ADK: variants seen among roughly 807,000 people sequenced by gnomAD.
The protein encoded by ADK is N6,N6-dimethyladenosine kinase.
Under a neutral mutation model 44.7 loss-of-function variants are expected in ADK, and 24 were observed. The ratio of observed to expected loss-of-function variants is 0.54; its 90% CI spans 0.39 to 0.76. The LOEUF is 0.76. Among genes scored for constraint, ADK ranks in the 30% least tolerant of loss-of-function variants. The probability of loss-of-function intolerance (pLI) is 0.00; values close to 1 mark genes in which losing one functional copy is unlikely to be tolerated. For synonymous variants in ADK, 128 were observed against 142.6 expected, an observed-to-expected ratio of 0.90 and a Z score of 0.73; for missense variants, 321 against 425.1, an observed-to-expected ratio of 0.76 and a Z score of 2.15.
rs182999459 is a variant in ADK at position 74,232,833 on chromosome 10, T to A, written c.194+8242T>A. On this transcript the variant is annotated intron_variant, in intron 3 of 10. Transcript: ENST00000539909. ...TAGAGGCAGGGTTTCACTGTGTTGG[T>A]GAGGCTAGTCTCGAACTCCTGACCT... 4.5e-3 allele frequency among the ~76,000 whole-genome samples: 689 copies of A among 152,202 alleles called. 6 individuals carry two copies. Among genetic ancestry groups the A allele is most frequent in the African/African-American group, 0.015 (630 of 41,560 alleles).
intron 3 of ADK, among the ~76,000 whole-genome samples, chr10:74,305,720 T>A (rs1564644557): frequency 1.3e-5 from 2 of 152,102 alleles, no homozygotes; most frequent in African/African-American, 4.8e-5. Context: ...TTTTTTTCTT[T>A]CTTTCCTTTC....
chr10:74,326,914 T>G (rs1374666918), intron 4 of ADK, among the ~76,000 whole-genome samples: 3 of 152,018 alleles, frequency 2.0e-5, no homozygotes, highest in Non-Finnish European at 4.4e-5. Context: ...CACTTTATTA[T>G]TTGTGTCTTC....
intron 1 of ADK, among the ~76,000 whole-genome samples, chr10:74,185,676 C>CA (rs539050161): frequency 0.021 from 2,986 of 143,740 alleles, 104 homozygotes; most frequent in African/African-American, 0.07. Context: ...ACTAAAAATA[C>CA]AAAAAAAAAA....
intron 6 of ADK, among the ~76,000 whole-genome samples, chr10:74,450,807 T>C (rs1413145055): frequency 1.3e-5 from 2 of 152,152 alleles, no homozygotes; most frequent in Non-Finnish European, 2.9e-5. Context: ...TTTATCCTAC[T>C]GAGTACAAAT....
chr10:74,205,052 A>AAAT (rs1843540069), intron 2 of ADK, among the ~76,000 whole-genome samples: 1 of 150,484 alleles, frequency 6.6e-6, no homozygotes, highest in African/African-American at 2.4e-5. Context: ...AAAAAAAAAA[A>AAAT]AAAAAAAAAA....
At chr10:74,520,280 T>C (rs772387270) in intron 6 of ADK, among the ~76,000 whole-genome samples, 22 of 151,676 alleles carry the variant, frequency 1.5e-4, no homozygotes, top group Non-Finnish European at 2.8e-4. Flanking sequence ...TTCCCTATTA[T>C]ATTCTGATCA....
At chr10:74,345,052 A>G (rs1441071047) in intron 4 of ADK, among the ~76,000 whole-genome samples, 1 of 152,226 alleles carries the variant, frequency 6.6e-6, no homozygotes, top group Non-Finnish European at 1.5e-5. Context: ...TTAAACGTTC[A>G]TTAGAATTCA....
At chr10:74,191,568 A>G (rs1432891760) in intron 1 of ADK, among the ~76,000 whole-genome samples, 1 of 152,130 alleles carries the variant, frequency 6.6e-6, no homozygotes, top group Non-Finnish European at 1.5e-5. Context: ...TTTTTAATAT[A>G]TCTGTTTTTA....
At chr10:74,668,370 A>G (rs1263572420) in intron 9 of ADK, among the ~76,000 whole-genome samples, 4 of 152,194 alleles carry the variant, frequency 2.6e-5, no homozygotes, top group Non-Finnish European at 5.9e-5. Flanking sequence ...TATTTGTGCC[A>G]TAACTTTCAA....
At chr10:74,224,399 C>A in intron 2 of ADK, 139 bp from the exon 3 acceptor site, 1 of 706,784 alleles carries the variant, frequency 1.4e-6, no homozygotes. Flanking sequence ...AAAAAACCGT[C>A]TACTTGGGCA....
intron 8 of ADK, among the ~76,000 whole-genome samples, chr10:74,591,856 A>G (rs1180387522): frequency 6.6e-6 from 1 of 152,102 alleles, no homozygotes; most frequent in Non-Finnish European, 1.5e-5. Flanking sequence ...ATTTTCTCCT[A>G]TAAATCCCAA....
At chr10:74,217,904 A>C (rs1437446273) in intron 2 of ADK, among the ~76,000 whole-genome samples, 1 of 152,112 alleles carries the variant, frequency 6.6e-6, no homozygotes, top group Non-Finnish European at 1.5e-5. Context: ...AAAGTAGATA[A>C]AACCACAAAG....
chr10:74,589,323 T>G lies in ADK; in HGVS notation c.762+6T>G. On this transcript the variant is annotated splice_donor_region_variant and intron_variant, in intron 8 of 10. Transcript: ENST00000539909. ...CTAGAGAGCAAGGCTTTGAGGTGAG[T>G]TAACCCACAATTGCACACTAAACAG... 1 of 1,613,652 alleles carries G rather than the reference T, an allele frequency of 6.2e-7. No individual in the cohort carries two copies. The highest frequency in any genetic ancestry group is 1.1e-5 in the South Asian group (1 of 91,066).
chr10:74,289,534 T>C (rs1302218551), intron 3 of ADK, among the ~76,000 whole-genome samples: 1 of 152,176 alleles, frequency 6.6e-6, no homozygotes, highest in Non-Finnish European at 1.5e-5. Context: ...GTAGCATGTT[T>C]CTTTCTGATT....
At chr10:74,612,505 T>A (rs1302526188) in intron 9 of ADK, among the ~76,000 whole-genome samples, 2 of 152,156 alleles carry the variant, frequency 1.3e-5, no homozygotes, top group Non-Finnish European at 1.5e-5. Flanking sequence ...TTAATTTGTT[T>A]AGGTTCCTTA....
intron 9 of ADK, among the ~76,000 whole-genome samples, chr10:74,631,145 G>A (rs1430123097): frequency 6.6e-6 from 1 of 151,950 alleles, no homozygotes; most frequent in Admixed American, 6.6e-5. Context: ...CATGAAATAG[G>A]AATTTCTCCA....
rs144669439 is a variant in ADK, at chr10:74,159,496, T to C, written c.65+8153T>C. Among the ~76,000 whole-genome samples, 13 of 152,342 alleles carry C rather than the reference T, an allele frequency of 8.5e-5. No individual in the cohort carries two copies. The East Asian group carries it at 2.5e-3, about 29-fold the overall frequency. ...TATATTGAAGTGGTCACTTGGCTAC[T>C]TGCCTTCTACATGCTTAGGCTAGAC... On this transcript the variant is annotated intron_variant, in intron 1 of 10. Transcript: ENST00000539909.
intron 3 of ADK, among the ~76,000 whole-genome samples, chr10:74,254,529 C>CT (rs1179163729): frequency 6.6e-5 from 10 of 151,072 alleles, no homozygotes; most frequent in African/African-American, 1.2e-4. Flanking sequence ...TGTCAGATTG[C>CT]TTTTGATTAA....
chr10:74,195,707 C>CTTTTTTTTTTTTTTTTT (rs71475265), intron 1 of ADK, among the ~76,000 whole-genome samples: 42 of 97,530 alleles, frequency 4.3e-4, no homozygotes, highest in Non-Finnish European at 6.2e-4. Context: ...TCTTTTCTTT[C>CTTTTTTTTTTTTTTTTT]TTTTTTTTTT....
Sources: gnomAD v4.1 joint callset for allele counts (sites outside exome capture counted in the v4.1 genomes callset) on GRCh38, gnomAD v4.1.1 for gene constraint, MANE v1.5 for transcripts, NCBI Gene and HGNC (gene_info 2026-07-23, HGNC 2026-07-21) for gene names.